NEGR1: variants seen among roughly 807,000 people sequenced by gnomAD.
NEGR1 encodes the protein neuronal growth regulator 1.
Under a neutral mutation model 40.9 loss-of-function variants are expected in NEGR1, and 10 were observed. That is an observed-to-expected ratio of 0.24 (90% confidence interval 0.15 to 0.42). The LOEUF is 0.42. Among genes scored for constraint, NEGR1 ranks in the 10% least tolerant of loss-of-function variants. The pLI is 1.00. For synonymous variants in NEGR1, 185 were observed against 166.8 expected (o/e 1.11, Z -0.84); for missense variants, 352 against 438.9 (o/e 0.80, Z 1.77).
At chr1:71,826,594 G>T (rs947978309) in intron 2 of NEGR1, among the ~76,000 whole-genome samples, 1 of 151,494 alleles carries the variant, frequency 6.6e-6, no homozygotes, top group East Asian at 1.9e-4. Context: ...TATTATATGC[G>T]AGCCTATGGA....
At chr1:71,987,161 T>C (rs1203201546) in intron 1 of NEGR1, among the ~76,000 whole-genome samples, 1 of 152,128 alleles carries the variant, frequency 6.6e-6, no homozygotes, top group Non-Finnish European at 1.5e-5. Flanking sequence ...CACACTAGAA[T>C]TCCTAAAGAG....
intron 6 of NEGR1, among the ~76,000 whole-genome samples, chr1:71,446,599 T>C (rs1057171880): frequency 6.6e-6 from 1 of 152,246 alleles, no homozygotes. Context: ...TAGATTTTAA[T>C]TAAAGTTGAC....
At chr1:71,944,446 G>C (rs1645999505) in intron 1 of NEGR1, among the ~76,000 whole-genome samples, 1 of 152,062 alleles carries the variant, frequency 6.6e-6, no homozygotes, top group Non-Finnish European at 1.5e-5. Context: ...AAAGGACATG[G>C]ACTTCTCTAG....
At chr1:71,448,451 T>A (rs7540809) in intron 6 of NEGR1, among the ~76,000 whole-genome samples, 107,966 of 151,406 alleles carry the variant, frequency 0.71, 39,112 homozygotes, top group Non-Finnish European at 0.77. Context: ...ATACAAAAAT[T>A]AGCCGTGCAT....
At chr1:71,660,850 AG>A in intron 4 of NEGR1, among the ~76,000 whole-genome samples, 1 of 152,072 alleles carries the variant, frequency 6.6e-6, no homozygotes, top group Admixed American at 6.6e-5. Flanking sequence ...TCCCTCTCCT[AG>A]CCCCCTACTA....
At chr1:72,219,648 C>T (rs995314696) in intron 1 of NEGR1, among the ~76,000 whole-genome samples, 122 of 152,110 alleles carry the variant, frequency 8.0e-4, no homozygotes, top group African/African-American at 2.9e-3. Flanking sequence ...TACCTCCAAA[C>T]ACCATACATG....
At chr1:71,567,773 G>T (rs1570042275) in intron 6 of NEGR1, among the ~76,000 whole-genome samples, 1 of 152,030 alleles carries the variant, frequency 6.6e-6, no homozygotes, top group Non-Finnish European at 1.5e-5. Context: ...GAGGGTATTA[G>T]GAACTGGGGT....
chr1:71,738,432 T>C (rs1655107291), intron 3 of NEGR1: 1 of 163,394 alleles, frequency 6.1e-6, no homozygotes, highest in Non-Finnish European at 1.4e-5. Context: ...GGGCAACTGG[T>C]GGACCTAGGC....
chr1:71,706,868 T>C (rs1209815252), intron 3 of NEGR1, among the ~76,000 whole-genome samples: 1 of 151,720 alleles, frequency 6.6e-6, no homozygotes, highest in African/African-American at 2.4e-5. Context: ...ACATTGAGGG[T>C]CTTGGTGAGC....
In NEGR1 at chr1:71,658,496, C is replaced by T. The variant is rs536316341; in HGVS notation, c.667+39512G>A. On this transcript the variant is annotated intron_variant, in intron 4 of 6. Coordinates refer to ENST00000357731, the MANE Select transcript of NEGR1 (RefSeq NM_173808.3). ...GCAAAGGTGCCAGATTTCTCAATTG[C>T]TTAATACGGGCCATGTGTTAAAGAA... 7.3e-4 allele frequency among the ~76,000 whole-genome samples: 111 copies of T among 152,112 alleles called. 1 individual carries two copies. The highest frequency in any genetic ancestry group is 2.5e-3 in the African/African-American group (104 of 41,500).
At chr1:71,422,578 T>G (rs1646404884) in intron 6 of NEGR1, 2 of 152,186 alleles carry the variant, frequency 1.3e-5, no homozygotes, top group South Asian at 4.1e-4. Flanking sequence ...TCAAAGTCAC[T>G]TACAGGACGT....
chr1:71,667,607 C>T (rs977868164), intron 4 of NEGR1, among the ~76,000 whole-genome samples: 1 of 152,152 alleles, frequency 6.6e-6, no homozygotes, highest in Admixed American at 6.5e-5. Flanking sequence ...TCTTTTACTT[C>T]ATAATTTTGT....
chr1:72,161,897 G>T (rs72941208), intron 1 of NEGR1, among the ~76,000 whole-genome samples: 1,972 of 151,322 alleles, frequency 0.013, 33 homozygotes, highest in African/African-American at 0.044. Context: ...CACTGTGTTG[G>T]CCAAGCTGAT....
intron 3 of NEGR1, among the ~76,000 whole-genome samples, chr1:71,722,816 A>G (rs373161328): frequency 2.0e-5 from 3 of 152,112 alleles, no homozygotes; most frequent in East Asian, 3.9e-4. Context: ...ATAGGAATAC[A>G]CCCATTGAAT....
At position 71,434,210 on chromosome 1, in the gene NEGR1, G is replaced by T. The variant is rs79519713; in HGVS notation, c.941-26640C>A. On this transcript the variant is annotated intron_variant, in intron 6 of 6. Transcript: ENST00000357731. Reference sequence around the variant, plus strand: ...ACAAATTAAGAAAAAATTATGTCATGAATGCATATAATATATGAAGATACT... The same window carrying T: ...ACAAATTAAGAAAAAATTATGTCATTAATGCATATAATATATGAAGATACT... Among the ~76,000 whole-genome samples the T allele has an allele frequency of 5.9e-3, 905 of 152,156 alleles. 44 individuals are homozygous for T. In the East Asian group the frequency reaches 0.14, roughly 23 times the overall value.
At chr1:71,595,206 C>T (rs974044181) in intron 5 of NEGR1, among the ~76,000 whole-genome samples, 5 of 152,320 alleles carry the variant, frequency 3.3e-5, no homozygotes, top group Middle Eastern at 6.8e-3. Context: ...CGTGTGCATC[C>T]TTACCAGAGT....
intron 1 of NEGR1, among the ~76,000 whole-genome samples, chr1:72,159,527 C>T (rs1651479510): frequency 6.6e-6 from 1 of 152,108 alleles, no homozygotes; most frequent in Non-Finnish European, 1.5e-5. Context: ...AGGAAAATCA[C>T]TAGCTAACTT....
intron 1 of NEGR1, among the ~76,000 whole-genome samples, chr1:72,127,705 C>T (rs1161697256): frequency 6.6e-6 from 1 of 152,024 alleles, no homozygotes; most frequent in Non-Finnish European, 1.5e-5. Flanking sequence ...GTCTTCAGCG[C>T]ATCTACATCT....
At chr1:72,073,357 T>G (rs1647556080) in intron 1 of NEGR1, among the ~76,000 whole-genome samples, 1 of 152,110 alleles carries the variant, frequency 6.6e-6, no homozygotes, top group Non-Finnish European at 1.5e-5. Context: ...TTCCTAAAAA[T>G]GATCTAGGTA....
Sources: gnomAD v4.1 joint callset for allele counts (sites outside exome capture counted in the v4.1 genomes callset) on GRCh38, gnomAD v4.1.1 for gene constraint, MANE v1.5 for transcripts, NCBI Gene and HGNC (gene_info 2026-07-23, HGNC 2026-07-21) for gene names.